Variants in THSD7B observed in about 807,000 individuals in gnomAD.
THSD7B encodes thrombospondin type 1 domain containing 7B.
A neutral mutation model predicts 213.6 loss-of-function variants in THSD7B; 138 were observed. The ratio of observed to expected loss-of-function variants is 0.65; its 90% confidence interval spans 0.56 to 0.74. The LOEUF is 0.74. Among genes scored for constraint, THSD7B ranks in the 30% least tolerant of loss-of-function variants. The pLI is 0.00. For missense variants in THSD7B, 1,931 were observed against 1,991.5 expected (o/e 0.97, Z 0.58); for synonymous variants, 742 against 687.0 (o/e 1.08, Z -1.25).
intron 12 of THSD7B, among the ~76,000 whole-genome samples, chr2:137,374,485 C>G (rs1260688999): frequency 6.6e-6 from 1 of 152,136 alleles, no homozygotes; most frequent in African/African-American, 2.4e-5. Flanking sequence ...AAAGTATATT[C>G]GAGTTTCCAC....
chr2:137,131,053 T>A (rs1330474906), intron 5 of THSD7B, among the ~76,000 whole-genome samples: 1 of 143,546 alleles, frequency 7.0e-6, no homozygotes, highest in African/African-American at 2.5e-5. Context: ...GTTTCCTGAC[T>A]TTTTAATGAT....
chr2:136,774,795 A>G (rs750475208), intron 1 of THSD7B, among the ~76,000 whole-genome samples: 4 of 152,106 alleles, frequency 2.6e-5, no homozygotes, highest in Non-Finnish European at 5.9e-5. Flanking sequence ...TGGATTACAG[A>G]GTTGGTGGAA....
chr2:137,395,886 T>C (rs1345385170), intron 12 of THSD7B, among the ~76,000 whole-genome samples: 1 of 150,388 alleles, frequency 6.6e-6, no homozygotes, highest in African/African-American at 2.4e-5. Flanking sequence ...CCTTTTTTAG[T>C]CTTGGGAGAG....
intron 15 of THSD7B, among the ~76,000 whole-genome samples, chr2:137,550,388 T>A (rs79314206): frequency 0.074 from 11,238 of 152,182 alleles, 455 homozygotes; most frequent in African/African-American, 0.09. Flanking sequence ...TTTGAAGTCA[T>A]AATTTATTTT....
At chr2:137,274,113 C>T (rs1020117450) in intron 11 of THSD7B, among the ~76,000 whole-genome samples, 3 of 152,052 alleles carry the variant, frequency 2.0e-5, no homozygotes, top group Non-Finnish European at 4.4e-5. Flanking sequence ...TGAATTGGAT[C>T]ATTGTGCCAT....
chr2:137,546,439 ATATATTATATATATAT>A lies in THSD7B; in HGVS notation c.3139-16776_3139-16761del, dbSNP rs1311392513. On this transcript the variant is annotated intron_variant, in intron 15 of 27. Coordinates refer to ENST00000409968, the MANE Select transcript of THSD7B (RefSeq NM_001316349.2). The stretch of plus-strand genomic sequence containing the variant: ...ATTATATATATTATATATATATTAT[ATATATTATATATATAT>A]TATATATAATATATATATATATAAT... 1.5e-3 allele frequency among the ~76,000 whole-genome samples: 46 copies of A among 30,788 alleles called. 6 individuals are homozygous for A. The highest frequency in any genetic ancestry group is 6.3e-3 in the South Asian group (6 of 950). The allele number at this position is 30,788 out of a possible 152,430, so 20.2% of individuals were successfully genotyped here.
chr2:136,766,697 G>A (rs911462587), intron 1 of THSD7B, among the ~76,000 whole-genome samples: 5 of 152,172 alleles, frequency 3.3e-5, no homozygotes. Flanking sequence ...CTTCCCATAA[G>A]AGGTATTGCG....
intron 1 of THSD7B, among the ~76,000 whole-genome samples, chr2:136,878,386 G>A (rs13031899): frequency 6.3e-4 from 96 of 152,230 alleles, no homozygotes; most frequent in African/African-American, 1.7e-3. Flanking sequence ...ATACGTGTGC[G>A]TGTGTCTTTA....
intron 7 of THSD7B, among the ~76,000 whole-genome samples, chr2:137,217,108 T>C (rs1681263898): frequency 6.6e-6 from 1 of 152,186 alleles, no homozygotes; most frequent in East Asian, 1.9e-4. Flanking sequence ...AATTGTATAC[T>C]GATGGATATT....
At chr2:137,267,087 T>A (rs1188630492) in intron 10 of THSD7B, among the ~76,000 whole-genome samples, 20 of 152,108 alleles carry the variant, frequency 1.3e-4, no homozygotes, top group Admixed American at 1.3e-3. Context: ...TCTATAAACA[T>A]CTCTCAATGT....
At chr2:137,527,377 A>G (rs1165909277) in intron 15 of THSD7B, among the ~76,000 whole-genome samples, 1 of 152,080 alleles carries the variant, frequency 6.6e-6, no homozygotes, top group East Asian at 1.9e-4. Context: ...TCATTTGTCC[A>G]GAGGTGTGTC....
At chr2:137,630,718 A>G (rs1161639969) in intron 20 of THSD7B, among the ~76,000 whole-genome samples, 4 of 152,188 alleles carry the variant, frequency 2.6e-5, no homozygotes, top group African/African-American at 9.7e-5. Flanking sequence ...CGCCTGTTCT[A>G]AGACAAAGTG....
At position 137,073,347 on chromosome 2, in the gene THSD7B, C is replaced by T. The variant is rs1335091749; in HGVS notation, c.950+16117C>T. Among the ~76,000 whole-genome samples the T allele has an allele frequency of 5.9e-5, 9 of 152,110 alleles. 1 individual carries two copies. Among genetic ancestry groups the T allele is most frequent in the East Asian group, 1.9e-4 (1 of 5,180 alleles). ...TTTAGTCTTGGGAGGATGTATGTGT[C>T]GAGGAATTTATCCATTTCTTCTAGA... On this transcript the variant is annotated intron_variant, in intron 3 of 27. Transcript: ENST00000409968.
intron 27 of THSD7B, among the ~76,000 whole-genome samples, chr2:137,675,292 A>C (rs1451706123): frequency 1.0e-5 from 1 of 95,712 alleles, no homozygotes; most frequent in Non-Finnish European, 2.2e-5. Flanking sequence ...AATGCCACTG[A>C]ATTGTATAGA....
intron 1 of THSD7B, among the ~76,000 whole-genome samples, chr2:136,823,497 A>G (rs1682597386): frequency 6.6e-6 from 1 of 152,164 alleles, no homozygotes; most frequent in Admixed American, 6.6e-5. Flanking sequence ...TTGCTTCGTC[A>G]GGTATTTCTG....
chr2:136,979,121 C>G (rs1685533927), intron 2 of THSD7B, among the ~76,000 whole-genome samples: 1 of 152,088 alleles, frequency 6.6e-6, no homozygotes, highest in Non-Finnish European at 1.5e-5. Flanking sequence ...TATTGGCTCC[C>G]AATCTCTTCT....
chr2:137,439,079 T>G (rs1308717515), intron 14 of THSD7B, among the ~76,000 whole-genome samples: 3 of 152,056 alleles, frequency 2.0e-5, no homozygotes, highest in South Asian at 2.1e-4. Flanking sequence ...TCCTATAAAC[T>G]TTAGAGGGAA....
At chr2:136,906,778 T>C (rs1684167863) in intron 2 of THSD7B, among the ~76,000 whole-genome samples, 2 of 151,990 alleles carry the variant, frequency 1.3e-5, no homozygotes, top group East Asian at 1.9e-4. Flanking sequence ...TATCAAATTT[T>C]CACTCAAGTA....
chr2:136,776,088 C>T (rs1467671638), intron 1 of THSD7B, among the ~76,000 whole-genome samples: 1 of 152,028 alleles, frequency 6.6e-6, no homozygotes, highest in Non-Finnish European at 1.5e-5. Flanking sequence ...AAGGAATTTT[C>T]ACAGAGTTTT....
Sources: gnomAD v4.1 joint callset for allele counts (sites outside exome capture counted in the v4.1 genomes callset) on GRCh38, gnomAD v4.1.1 for gene constraint, MANE v1.5 for transcripts, NCBI Gene and HGNC (gene_info 2026-07-23, HGNC 2026-07-21) for gene names.